The following SH3BGRL2 variants were observed in gnomAD, a reference collection of about 807,000 sequenced individuals.
SH3BGRL2 encodes SH3 domain-binding glutamic acid-rich-like protein 2.
A neutral mutation model predicts 14.8 loss-of-function variants in SH3BGRL2; 21 were observed. The ratio of observed to expected loss-of-function variants is 1.42; its 90% CI spans 1.01 to 2.05. SH3BGRL2 has a LOEUF of 2.05. Among genes scored for constraint, SH3BGRL2 ranks in the 30% most tolerant of loss-of-function variants. The pLI, the probability that SH3BGRL2 is intolerant of heterozygous loss-of-function variation, is 0.00. For synonymous variants in SH3BGRL2, 50 were observed against 47.8 expected (o/e 1.05, Z -0.19); for missense variants, 147 against 130.8 (o/e 1.12, Z -0.61).
chr6:79,627,935 A>T (rs952435285), upstream of SH3BGRL2, among the ~76,000 whole-genome samples: 3 of 152,192 alleles, frequency 2.0e-5, no homozygotes, highest in Admixed American at 6.5e-5. Context: ...GAGAAAAAAA[A>T]TCACATCTTT....
chr6:79,631,970 C>T (rs1264518006), intron 1 of SH3BGRL2, among the ~76,000 whole-genome samples: 3 of 152,178 alleles, frequency 2.0e-5, no homozygotes, highest in Admixed American at 6.5e-5. Context: ...TGCTCTCTGT[C>T]CTCCCTTCCC....
the SH3BGRL2 span, among the ~76,000 whole-genome samples, chr6:79,598,134 A>T: frequency 6.6e-6 from 1 of 152,214 alleles, no homozygotes; most frequent in Non-Finnish European, 1.5e-5. Flanking sequence ...CCCTCATACA[A>T]CACTGGTGGG....
chr6:79,645,786 T>C (rs1445817048), intron 1 of SH3BGRL2, among the ~76,000 whole-genome samples: 1 of 152,232 alleles, frequency 6.6e-6, no homozygotes, highest in African/African-American at 2.4e-5. Context: ...ACTGTCTGAC[T>C]TCTGTTGGCA....
At chr6:79,576,725 C>T in the SH3BGRL2 span, among the ~76,000 whole-genome samples, 1 of 152,050 alleles carries the variant, frequency 6.6e-6, no homozygotes, top group African/African-American at 2.4e-5. Context: ...CCCATGAAAC[C>T]ACCACCACAA....
At chr6:79,547,548 C>T in the SH3BGRL2 span, among the ~76,000 whole-genome samples, 6 of 152,074 alleles carry the variant, frequency 3.9e-5, no homozygotes, top group African/African-American at 7.2e-5. Context: ...AGGGCCATCG[C>T]GTAAGAAGCT....
chr6:79,593,317 A>G, the SH3BGRL2 span, among the ~76,000 whole-genome samples: 1 of 151,734 alleles, frequency 6.6e-6, no homozygotes, highest in South Asian at 2.1e-4. Flanking sequence ...AGAAACTCAT[A>G]GAGGCCAAAA....
chr6:79,632,704 A>T (rs1003186893), intron 1 of SH3BGRL2, among the ~76,000 whole-genome samples: 4 of 152,196 alleles, frequency 2.6e-5, no homozygotes, highest in African/African-American at 9.7e-5. Context: ...ACTTACACTT[A>T]TGTGCAGTCA....
the SH3BGRL2 span, among the ~76,000 whole-genome samples, chr6:79,619,192 T>TC: frequency 2.0e-5 from 3 of 152,084 alleles, no homozygotes; most frequent in Non-Finnish European, 1.5e-5. Flanking sequence ...TCTATTCCTC[T>TC]CCACCTCCTG....
chr6:79,682,625 G>C (rs529491052), intron 2 of SH3BGRL2, among the ~76,000 whole-genome samples: 14 of 152,186 alleles, frequency 9.2e-5, no homozygotes, highest in Non-Finnish European at 1.9e-4. Flanking sequence ...CAGTACCTGG[G>C]GGGGCCCAAA....
chr6:79,673,281 G>T (rs113517169), intron 1 of SH3BGRL2, among the ~76,000 whole-genome samples: 2 of 151,972 alleles, frequency 1.3e-5, no homozygotes, highest in Admixed American at 1.3e-4. Flanking sequence ...TTGAAGAAAC[G>T]ACCGTGTTAG....
chr6:79,695,064 CT>C (rs1421162678), intron 2 of SH3BGRL2, among the ~76,000 whole-genome samples: 22 of 152,192 alleles, frequency 1.4e-4, no homozygotes, highest in African/African-American at 5.3e-4. Context: ...ATGTTTATCC[CT>C]GTCCACCCTG....
chr6:79,648,060 T>C (rs1025495327), intron 1 of SH3BGRL2, among the ~76,000 whole-genome samples: 5 of 151,362 alleles, frequency 3.3e-5, no homozygotes, highest in Admixed American at 1.3e-4. Flanking sequence ...CACCTTTGAG[T>C]TCTTTTTCCA....
chr6:79,581,114 C>T, the SH3BGRL2 span, among the ~76,000 whole-genome samples: 1 of 152,054 alleles, frequency 6.6e-6, no homozygotes, highest in Non-Finnish European at 1.5e-5. Context: ...CTGAATAGAC[C>T]AATAACAGGC....
At chr6:79,651,127 G>A (rs1769283691) in intron 1 of SH3BGRL2, among the ~76,000 whole-genome samples, 1 of 152,098 alleles carries the variant, frequency 6.6e-6, no homozygotes, top group African/African-American at 2.4e-5. Flanking sequence ...GTGTTGCAGA[G>A]TGGCATCTAC....
chr6:79,557,315 G>A, the SH3BGRL2 span, among the ~76,000 whole-genome samples: 76,939 of 151,312 alleles, frequency 0.51, 20,568 homozygotes, highest in Middle Eastern at 0.64. Flanking sequence ...TATAATTGTC[G>A]GTCACATTTT....
At chr6:79,689,859 A>G (rs28360645) in intron 2 of SH3BGRL2, among the ~76,000 whole-genome samples, 56,979 of 152,034 alleles carry the variant, frequency 0.37, 12,423 homozygotes, top group South Asian at 0.55. Flanking sequence ...TACCACCTAA[A>G]GCTTTTGAAA....
chr6:79,560,955 A>T, the SH3BGRL2 span, among the ~76,000 whole-genome samples: 1 of 129,680 alleles, frequency 7.7e-6, no homozygotes, highest in African/African-American at 3.0e-5. Flanking sequence ...ATCTCAGCTC[A>T]CCACAACCTC....
chr6:79,613,039 G>A, the SH3BGRL2 span, among the ~76,000 whole-genome samples: 1 of 152,144 alleles, frequency 6.6e-6, no homozygotes, highest in Non-Finnish European at 1.5e-5. Flanking sequence ...AGGGGCCCTT[G>A]GGTTGTCCAC....
chr6:79,680,793 G>A (rs1769974258), intron 2 of SH3BGRL2, among the ~76,000 whole-genome samples: 1 of 151,706 alleles, frequency 6.6e-6, no homozygotes, highest in African/African-American at 2.4e-5. Flanking sequence ...CACTTGGTTA[G>A]GTTTATTCCT....
Sources: gnomAD v4.1 joint callset for allele counts (sites outside exome capture counted in the v4.1 genomes callset) on GRCh38, gnomAD v4.1.1 for gene constraint, MANE v1.5 for transcripts, NCBI Gene and HGNC (gene_info 2026-07-23, HGNC 2026-07-21) for gene names.